Variants in PPP1R21 observed in about 807,000 individuals in gnomAD.
PPP1R21 encodes the protein KLRAQ motif containing 1.
A neutral mutation model predicts 112.8 loss-of-function variants in PPP1R21; 85 were observed. The observed-to-expected ratio is 0.75, with a 90% confidence interval of 0.63 to 0.90. The LOEUF (loss-of-function observed/expected upper bound fraction) is 0.90, where lower values mean the gene tolerates loss of function less well. Among genes scored for constraint, PPP1R21 ranks in the 40% least tolerant of loss-of-function variants. The pLI, the probability that PPP1R21 is intolerant of heterozygous loss-of-function variation, is 0.00. For synonymous variants in PPP1R21, 381 were observed against 322.3 expected (o/e 1.18, Z -1.95); for missense variants, 1,199 against 901.5 (o/e 1.33, Z -4.23).
chr2:48,460,046 A>G (rs1667908515), intron 5 of PPP1R21, 49 bp from the exon 6 acceptor site: 13 of 1,609,196 alleles, frequency 8.1e-6, no homozygotes, highest in African/African-American at 1.3e-5. Context: ...GTGTGCTCCT[A>G]TCTGTCGTAG....
intron 13 of PPP1R21, 111 bp downstream of exon 13, chr2:48,480,127 T>C: frequency 1.3e-6 from 1 of 760,432 alleles, no homozygotes; most frequent in East Asian, 2.5e-5. Flanking sequence ...AGATAAAGGC[T>C]TATTAGCATT....
chr2:48,463,470 G>T (rs545990052), intron 7 of PPP1R21, among the ~76,000 whole-genome samples: 3 of 152,148 alleles, frequency 2.0e-5, no homozygotes, highest in African/African-American at 7.2e-5. Flanking sequence ...ACACTAGATT[G>T]CCAGCACAGG....
At chr2:48,503,645 T>C (rs904368126) in intron 17 of PPP1R21, among the ~76,000 whole-genome samples, 1 of 152,154 alleles carries the variant, frequency 6.6e-6, no homozygotes, top group Non-Finnish European at 1.5e-5. Flanking sequence ...AAGTAATCTG[T>C]GTTAAAGGCT....
chr2:48,479,007 G>T (rs1237116252), intron 12 of PPP1R21, among the ~76,000 whole-genome samples: 1 of 152,176 alleles, frequency 6.6e-6, no homozygotes, highest in Non-Finnish European at 1.5e-5. Context: ...CTTAGTGGAG[G>T]GGGTAGGCAG....
intron 17 of PPP1R21, 126 bp from the exon 18 acceptor site, chr2:48,505,438 A>G (rs1470220173): frequency 1.4e-6 from 1 of 716,848 alleles, no homozygotes; most frequent in Non-Finnish European, 2.5e-6. Context: ...CAGTCCAAGG[A>G]TGATCTTCTA....
At chr2:48,442,270 T>A (rs1316962959) in intron 1 of PPP1R21, among the ~76,000 whole-genome samples, 1 of 152,162 alleles carries the variant, frequency 6.6e-6, no homozygotes, top group Admixed American at 6.5e-5. Context: ...TGGTTGAAAA[T>A]GTTTCATGAT....
chr2:48,457,741 C>T (rs1667789012), intron 3 of PPP1R21, among the ~76,000 whole-genome samples: 1 of 152,162 alleles, frequency 6.6e-6, no homozygotes, highest in East Asian at 1.9e-4. Context: ...AACTCCGACT[C>T]ATGAAATTGC....
chr2:48,483,371 C>T (rs1473663432), intron 13 of PPP1R21, among the ~76,000 whole-genome samples: 1 of 151,850 alleles, frequency 6.6e-6, no homozygotes, highest in Admixed American at 6.6e-5. Context: ...TAAATAGAGA[C>T]AGGGTTTCGC....
intron 16 of PPP1R21, among the ~76,000 whole-genome samples, chr2:48,497,395 T>C (rs558964802): frequency 1.3e-5 from 2 of 152,278 alleles, no homozygotes; most frequent in East Asian, 3.9e-4. Flanking sequence ...TTAGAAGCCT[T>C]CCTCATGCCC....
At chr2:48,483,073 A>G (rs1363093977) in intron 13 of PPP1R21, among the ~76,000 whole-genome samples, 1 of 151,882 alleles carries the variant, frequency 6.6e-6, no homozygotes, top group African/African-American at 2.4e-5. Flanking sequence ...TGCTGAAGAT[A>G]ATGGCTTCTG....
intron 16 of PPP1R21, 48 bp from the exon 17 acceptor site, chr2:48,498,445 G>T (rs777671948): frequency 1.9e-6 from 3 of 1,600,820 alleles, no homozygotes; most frequent in Non-Finnish European, 1.7e-6. Context: ...GGCCACTAAG[G>T]TTTATCTGTA....
chr2:48,510,487 G>A (rs572423347), intron 20 of PPP1R21, among the ~76,000 whole-genome samples: 41 of 152,282 alleles, frequency 2.7e-4, no homozygotes, highest in African/African-American at 9.6e-4. Flanking sequence ...GAAAGGTGGG[G>A]CTATAACATT....
chr2:48,473,916 T>C (rs1024642863), intron 11 of PPP1R21, among the ~76,000 whole-genome samples: 3 of 152,168 alleles, frequency 2.0e-5, no homozygotes, highest in African/African-American at 7.2e-5. Flanking sequence ...AGCCTCTAGA[T>C]TGTAAATCTG....
rs1669898428 is a variant in PPP1R21, at chr2:48,497,473, G to A, written c.1693-1020G>A. On this transcript the variant is annotated intron_variant, in intron 16 of 21. Transcript: ENST00000294952. Reference sequence around the variant, plus strand: ...TCCTGCCTTCTAGCACTATAGATTAGTTTTTTTCCCTGATACTGAACTTTT... The same window carrying A: ...TCCTGCCTTCTAGCACTATAGATTAATTTTTTTCCCTGATACTGAACTTTT... 2.0e-5 allele frequency among the ~76,000 whole-genome samples: 3 copies of A among 151,994 alleles called. No individual in the cohort carries two copies. In the South Asian group the frequency reaches 6.2e-4, roughly 32 times the overall value.
At chr2:48,460,492 CT>C (rs1419196641) in intron 6 of PPP1R21, among the ~76,000 whole-genome samples, 1 of 152,120 alleles carries the variant, frequency 6.6e-6, no homozygotes, top group Non-Finnish European at 1.5e-5. Context: ...CCATGCCAAT[CT>C]TTTAATGGTA....
chr2:48,452,513 A>G (rs1667520937), intron 2 of PPP1R21, among the ~76,000 whole-genome samples: 2 of 150,366 alleles, frequency 1.3e-5, no homozygotes, highest in African/African-American at 4.9e-5. Flanking sequence ...AAGCATAATT[A>G]TATATTATAA....
intron 12 of PPP1R21, among the ~76,000 whole-genome samples, chr2:48,478,958 C>G (rs1165459404): frequency 1.3e-5 from 2 of 152,224 alleles, no homozygotes; most frequent in Non-Finnish European, 2.9e-5. Flanking sequence ...AGTGGTCATA[C>G]TTTTCTCTAA....
chr2:48,500,489 A>G (rs114545268), intron 17 of PPP1R21, among the ~76,000 whole-genome samples: 2,966 of 152,190 alleles, frequency 0.019, 96 homozygotes, highest in African/African-American at 0.067. Context: ...GTATGGGGGG[A>G]AAAAACCCAA....
chr2:48,448,169 G>T (rs528964800), intron 1 of PPP1R21, among the ~76,000 whole-genome samples: 124 of 152,162 alleles, frequency 8.1e-4, no homozygotes, highest in African/African-American at 2.7e-3. Context: ...GTAATAGAAA[G>T]GTCTTTCAGA....
Sources: allele counts gnomAD v4.1 joint callset (sites outside exome capture counted in the v4.1 genomes callset), GRCh38; gene constraint gnomAD v4.1.1; transcripts MANE v1.5; gene names NCBI Gene and HGNC (gene_info 2026-07-23, HGNC 2026-07-21).